Variants in POU2F2 observed in about 807,000 individuals in gnomAD.
POU2F2 encodes the protein POU domain, class 2, transcription factor 2.
Under a neutral mutation model 63.5 loss-of-function variants are expected in POU2F2, and 14 were observed. The observed-to-expected ratio is 0.22, with a 90% CI of 0.15 to 0.34. The LOEUF (loss-of-function observed/expected upper bound fraction) is 0.34, where lower values mean the gene tolerates loss of function less well. POU2F2 is among the 10% of genes least tolerant of loss of function. The pLI is 1.00. For synonymous variants in POU2F2, 306 were observed against 348.6 expected (o/e 0.88, Z 1.36); for missense variants, 607 against 815.2 (o/e 0.74, Z 3.11).
upstream of POU2F2, chr19:42,177,027 C>T (rs1356319452): frequency 1.3e-5 from 1 of 79,634 alleles, no homozygotes; most frequent in Non-Finnish European, 2.7e-5. Context: ...GGCGGGCGGG[C>T]GGGCAGGGGC....
At chr19:42,161,058 C>G (rs1319982781) in intron 1 of POU2F2, among the ~76,000 whole-genome samples, 1 of 152,104 alleles carries the variant, frequency 6.6e-6, no homozygotes, top group Non-Finnish European at 1.5e-5. Flanking sequence ...TTACGGGGCT[C>G]ACAGGCAAGT....
chr19:42,131,130 C>A (rs1359030034), intron 1 of POU2F2, among the ~76,000 whole-genome samples: 18 of 139,012 alleles, frequency 1.3e-4, no homozygotes, highest in Non-Finnish European at 4.7e-5. Flanking sequence ...GGGCCTCCCC[C>A]ATCCCAGCCC....
intron 1 of POU2F2, among the ~76,000 whole-genome samples, chr19:42,195,953 T>A (rs960984399): frequency 2.0e-5 from 3 of 152,186 alleles, no homozygotes; most frequent in African/African-American, 7.2e-5. Context: ...CTAATTTTTA[T>A]ATTTTTAGTA....
chr19:42,132,255 G>A (rs2033817321), intron 1 of POU2F2, 129 bp downstream of exon 1: 2 of 1,033,426 alleles, frequency 1.9e-6, no homozygotes, highest in Non-Finnish European at 2.8e-6. Flanking sequence ...TGGGAGAGAG[G>A]GAGTTGCTAG....
intron 1 of POU2F2, among the ~76,000 whole-genome samples, chr19:42,171,335 A>T: frequency 6.6e-6 from 1 of 151,662 alleles, no homozygotes; most frequent in East Asian, 1.9e-4. Flanking sequence ...TCTGTGTGTG[A>T]ATAAGGGGAT....
chr19:42,098,450 A>G (rs1225863567), intron 7 of POU2F2, among the ~76,000 whole-genome samples: 3 of 151,800 alleles, frequency 2.0e-5, no homozygotes, highest in Non-Finnish European at 4.4e-5. Flanking sequence ...GAAAGCCTAC[A>G]TAGGATGTAT....
At chr19:42,191,406 G>GTAATACCAA (rs1281127883) in intron 1 of POU2F2, among the ~76,000 whole-genome samples, 2 of 152,190 alleles carry the variant, frequency 1.3e-5, no homozygotes, top group Non-Finnish European at 2.9e-5. Flanking sequence ...CAGCACTCCA[G>GTAATACCAA]TAATACCAAT....
At chr19:42,166,953 G>T (rs903848855) in intron 1 of POU2F2, among the ~76,000 whole-genome samples, 1 of 152,132 alleles carries the variant, frequency 6.6e-6, no homozygotes, top group Non-Finnish European at 1.5e-5. Context: ...GGTGACAGGG[G>T]ATCCGGCTTC....
chr19:42,099,752 G>T lies in POU2F2; in HGVS notation c.439C>A (p.Gln147Lys). ...VPGHHLQPPA[Q>K]FLLPQAQQSQ... is the part of the protein sequence containing the mutation. ...TGCTGGGCCTGCGGTAGCAGGAACT[G>T]AGCAGGTGGCTGGAGGTGGTGGCCT... is the stretch of plus-strand genomic sequence containing the variant. The change falls in exon 6 of 15, where the codon CAG becomes AAG. Residue 147 changes from glutamine (Q) to lysine (K), a missense_variant. Gln to Lys is a moderately conservative substitution (Grantham distance 53). Transcript: ENST00000692977. The T allele has an allele frequency of 6.3e-7, 1 of 1,592,028 alleles. No individual in the cohort carries two copies. The highest frequency in any genetic ancestry group is 1.1e-5 in the South Asian group (1 of 88,580).
chr19:42,186,086 C>T (rs1265353565), intron 1 of POU2F2, among the ~76,000 whole-genome samples: 3 of 151,822 alleles, frequency 2.0e-5, no homozygotes, highest in Non-Finnish European at 4.4e-5. Context: ...ACTGGGACGC[C>T]GAGGCGGGTG....
intron 5 of POU2F2, among the ~76,000 whole-genome samples, chr19:42,102,497 C>T (rs2077180067): frequency 6.6e-6 from 1 of 151,754 alleles, no homozygotes; most frequent in Non-Finnish European, 1.5e-5. Context: ...TGGTATGTGC[C>T]TGTAATCCCA....
chr19:42,164,392 AC>A (rs1443678961), intron 1 of POU2F2, among the ~76,000 whole-genome samples: 2 of 151,616 alleles, frequency 1.3e-5, no homozygotes, highest in Non-Finnish European at 2.9e-5. Context: ...GGAGTTTGAA[AC>A]CCCATCTCTA....
chr19:42,167,185 T>C (rs540760203), intron 1 of POU2F2, among the ~76,000 whole-genome samples: 1 of 152,342 alleles, frequency 6.6e-6, no homozygotes, highest in East Asian at 1.9e-4. Flanking sequence ...CCAGGCACAG[T>C]GGCTCATGCC....
chr19:42,142,340 G>A (rs2034144926), intron 2 of POU2F2, among the ~76,000 whole-genome samples: 3 of 152,060 alleles, frequency 2.0e-5, no homozygotes, highest in African/African-American at 7.2e-5. Context: ...ACAGGCACGT[G>A]CCACCACACC....
intron 1 of POU2F2, among the ~76,000 whole-genome samples, chr19:42,122,853 G>C (rs2032808664): frequency 6.6e-6 from 1 of 152,230 alleles, no homozygotes; most frequent in African/African-American, 2.4e-5. Context: ...GTGCAGCAAA[G>C]GGCAGGGCAG....
At chr19:42,176,767 G>A (rs1430396767), upstream of POU2F2, among the ~76,000 whole-genome samples, 1 of 149,374 alleles carries the variant, frequency 6.7e-6, no homozygotes, top group Non-Finnish European at 1.5e-5. Context: ...GCAAAGCCCC[G>A]GCGCCGGGCG....
At chr19:42,174,117 C>T (rs1176206283) in intron 1 of POU2F2, among the ~76,000 whole-genome samples, 2 of 152,152 alleles carry the variant, frequency 1.3e-5, no homozygotes, top group Non-Finnish European at 2.9e-5. Context: ...CTCAGCCATA[C>T]GCCCGCGACC....
rs1218601632 is a variant in POU2F2, at chr19:42,099,540, C to T, written c.554G>A (p.Gly185Glu). ...GGACAGTCTCACCTGTGTGGGAAGC[C>T]CGGCCCGGGGCTGGGAGGTCAGAAG... ...GALLTSQPRA[G>E]LPTQAVTRPT... The change falls in exon 7 of 15, where the codon GGG becomes GAG. Residue 185 changes from glycine to glutamate, a missense_variant. Around this residue, in one of 7 missense-constraint regions of POU2F2, gnomAD observed 224 missense variants for 264.3 expected, o/e 0.85. Transcript: ENST00000692977. 6 of 1,613,224 alleles carry T rather than the reference C, an allele frequency of 3.7e-6. No homozygotes were observed. In the East Asian group the frequency reaches 1.3e-4, roughly 36 times the overall value.
chr19:42,167,371 T>C (rs1021776606), intron 1 of POU2F2, among the ~76,000 whole-genome samples: 52 of 152,014 alleles, frequency 3.4e-4, no homozygotes, highest in African/African-American at 1.1e-3. Flanking sequence ...CAAGAATCGC[T>C]TGAACCTCAG....
Sources: allele counts gnomAD v4.1 joint callset (sites outside exome capture counted in the v4.1 genomes callset), GRCh38; gene constraint gnomAD v4.1.1; regional missense constraint gnomAD v4.1.1; transcripts MANE v1.5; gene names NCBI Gene and HGNC (gene_info 2026-07-23, HGNC 2026-07-21).